HEG1: variants seen among roughly 807,000 people sequenced by gnomAD.
HEG1 encodes the protein protein HEG homolog 1.
HEG1 carries 56 observed loss-of-function variants against 125.6 expected under a neutral mutation model. That is an observed-to-expected ratio of 0.45 (90% confidence interval 0.36 to 0.56). The LOEUF (loss-of-function observed/expected upper bound fraction) is 0.56. Ranked by LOEUF, HEG1 falls within the 20% of genes least tolerant of loss-of-function variation. The pLI is 0.00. For synonymous variants in HEG1, 644 were observed against 668.5 expected (o/e 0.96, Z 0.57); for missense variants, 1,523 against 1,670.0 (o/e 0.91, Z 1.53).
chr3:125,017,302 G>A lies in HEG1; in HGVS notation c.1588+1960C>T, dbSNP rs146633333. Among the ~76,000 whole-genome samples the A allele has an allele frequency of 8.5e-5, 13 of 152,248 alleles. No individual in the cohort carries two copies. The East Asian group carries it at 9.6e-4, about 11-fold the overall frequency. ...ACTCCTGACCTCAAGTGATTCACCCGCCTTGACCTCCCAAAGTGCTGGGAT... is the reference window on the plus strand; with the variant it reads ...ACTCCTGACCTCAAGTGATTCACCCACCTTGACCTCCCAAAGTGCTGGGAT... On this transcript the variant is annotated intron_variant, in intron 5 of 16. Coordinates refer to ENST00000311127, the MANE Select transcript of HEG1 (RefSeq NM_020733.2).
intron 1 of HEG1, among the ~76,000 whole-genome samples, chr3:125,046,722 TC>T (rs1435151304): frequency 4.6e-5 from 7 of 152,320 alleles, no homozygotes; most frequent in Non-Finnish European, 8.8e-5. Context: ...TAGATAGAGA[TC>T]CGCAACCCCA....
intron 8 of HEG1, among the ~76,000 whole-genome samples, chr3:125,006,996 G>A (rs1470642232): frequency 1.3e-5 from 2 of 151,774 alleles, no homozygotes; most frequent in African/African-American, 4.8e-5. Flanking sequence ...TCAGGAGATC[G>A]AGACCATCCC....
intron 12 of HEG1, among the ~76,000 whole-genome samples, chr3:124,992,080 G>C (rs1358818796): frequency 6.6e-6 from 1 of 152,144 alleles, no homozygotes; most frequent in South Asian, 2.1e-4. Flanking sequence ...CCATGAGAAG[G>C]GGGGGAGCTG....
At chr3:124,993,547 G>A (rs897890003) in intron 12 of HEG1, among the ~76,000 whole-genome samples, 1 of 152,176 alleles carries the variant, frequency 6.6e-6, no homozygotes, top group African/African-American at 2.4e-5. Flanking sequence ...ACGTGGGAGT[G>A]GGGGAAGCTA....
chr3:125,026,450 T>A (rs1274091516), intron 3 of HEG1, among the ~76,000 whole-genome samples: 1 of 152,060 alleles, frequency 6.6e-6, no homozygotes, highest in Admixed American at 6.5e-5. Context: ...GAGACTTAAG[T>A]GATGAATAGT....
At chr3:125,052,146 C>G (rs1214705458) in intron 1 of HEG1, among the ~76,000 whole-genome samples, 47 of 151,344 alleles carry the variant, frequency 3.1e-4, no homozygotes, top group Non-Finnish European at 6.5e-4. Context: ...GCCTCCCCCC[C>G]TTCTATTTGG....
Position 124,970,585 on chromosome 3 carries a change from G to C in HEG1, c.*67C>G, listed in dbSNP as rs1305040773. 1 of 1,431,780 alleles carries C rather than the reference G, an allele frequency of 7.0e-7. No homozygotes were observed. The highest frequency in any genetic ancestry group is 1.3e-5 in the South Asian group (1 of 78,186). 88.7% of individuals were successfully genotyped at this position (1,431,780 alleles called of 1,614,324 possible). On this transcript the variant is annotated 3_prime_UTR_variant, in exon 17 of 17. Coordinates refer to ENST00000311127, the MANE Select transcript of HEG1 (RefSeq NM_020733.2). ...GACAAATCCTGGGCGCAGCCTCCTG[G>C]TGCGGTCCTCTGAGCAGAGGTCCCA...
chr3:125,029,454 A>C lies in HEG1; in HGVS notation c.351T>G (p.Thr117=), dbSNP rs756887453. The stretch of plus-strand genomic sequence containing the variant: ...AGGTGATGTTTTCTACATGGGCCTC[A>C]GTGTTACTTTCTGGCCAATGTTTCC... ...AAWKHWPESN[T]EAHVENITFY... The change falls in exon 2 of 17, where the codon ACT becomes ACG. Residue 117 remains threonine (T), a synonymous_variant. Coordinates refer to ENST00000311127, the MANE Select transcript of HEG1 (RefSeq NM_020733.2). 3.8e-6 allele frequency: 6 copies of C among 1,599,822 alleles called. No homozygotes were observed. The highest frequency in any genetic ancestry group is 5.1e-6 in the Non-Finnish European group (6 of 1,178,086).
chr3:124,982,537 C>T (rs1431156633), intron 14 of HEG1, among the ~76,000 whole-genome samples: 6 of 152,216 alleles, frequency 3.9e-5, no homozygotes, highest in Non-Finnish European at 8.8e-5. Flanking sequence ...GTTGACATTT[C>T]AGTCTTTCTC....
At chr3:125,015,525 G>A (rs1461731736) in intron 5 of HEG1, among the ~76,000 whole-genome samples, 2 of 152,224 alleles carry the variant, frequency 1.3e-5, no homozygotes, top group African/African-American at 2.4e-5. Flanking sequence ...GGTGGGGGGT[G>A]AAAGGTGGGC....
At chr3:125,004,543 G>A (rs1349111723) in intron 9 of HEG1, among the ~76,000 whole-genome samples, 1 of 152,018 alleles carries the variant, frequency 6.6e-6, no homozygotes, top group Non-Finnish European at 1.5e-5. Flanking sequence ...AGGCTGGAGT[G>A]CAGTTGTTCG....
chr3:124,984,604 C>A (rs139315037), intron 14 of HEG1, among the ~76,000 whole-genome samples: 1 of 152,000 alleles, frequency 6.6e-6, no homozygotes, highest in East Asian at 1.9e-4. Flanking sequence ...ACTAAAAATA[C>A]AAAAAGTTAC....
intron 5 of HEG1, among the ~76,000 whole-genome samples, chr3:125,016,674 C>T (rs968800313): frequency 5.3e-5 from 8 of 152,160 alleles, no homozygotes; most frequent in African/African-American, 1.4e-4. Context: ...TTCCACATCA[C>T]GTGAGTACTA....
At chr3:125,050,016 G>A (rs1937767824) in intron 1 of HEG1, among the ~76,000 whole-genome samples, 2 of 152,048 alleles carry the variant, frequency 1.3e-5, no homozygotes, top group Non-Finnish European at 2.9e-5. Flanking sequence ...TAGTTGATTT[G>A]GGAGCCTAAC....
At chr3:125,005,163 G>A in intron 9 of HEG1, 102 bp downstream of exon 9, 1 of 672,910 alleles carries the variant, frequency 1.5e-6, no homozygotes, top group Non-Finnish European at 2.6e-6. Flanking sequence ...CAAAAGTGAA[G>A]AGCCCAGGAG....
chr3:124,965,993 C>CA lies in HEG1; in HGVS notation c.*4658dup, dbSNP rs1393259106. ...CCAGCTAAATGCTTCATTTAACCGT[C>CA]AATCCACCAACACAAACATTAACAA... On this transcript the variant is annotated 3_prime_UTR_variant, in exon 17 of 17. Transcript: ENST00000311127. The CA allele has an allele frequency of 2.0e-5, 3 of 152,194 alleles. No individual in the cohort carries two copies. Among genetic ancestry groups the CA allele is most frequent in the Non-Finnish European group, 4.4e-5 (3 of 68,028 alleles). The allele number at this position is 152,194 out of a possible 1,614,324, so 9.4% of individuals were successfully genotyped here. A position where few individuals can be genotyped will look rare whatever the true frequency, so the allele number is the denominator to read the frequency against.
chr3:125,018,531 T>C (rs1468793742), intron 5 of HEG1, among the ~76,000 whole-genome samples: 1 of 152,208 alleles, frequency 6.6e-6, no homozygotes, highest in African/African-American at 2.4e-5. Flanking sequence ...ATATGAAATA[T>C]ACCTCAATAA....
In HEG1 at chr3:125,014,133, G is replaced by T. The variant is rs137899253; in HGVS notation, c.1589-143C>A. On this transcript the variant is annotated intron_variant, in intron 5 of 16. Transcript: ENST00000311127. The stretch of plus-strand genomic sequence containing the variant: ...TTGCTTTGGAGAGGTGGTTTTCAAG[G>T]GTGAGCACTCTGAATAAAGACATTG... The T allele has an allele frequency of 8.8e-4, 654 of 741,820 alleles. 2 individuals are homozygous for T. In the African/African-American group the frequency reaches 0.01, roughly 12 times the overall value. The allele number at this position is 741,820 out of a possible 1,614,324, so 46.0% of individuals were successfully genotyped here.
At chr3:125,002,125 G>A in intron 10 of HEG1, 113 bp from the exon 11 acceptor site, 2 of 1,514,138 alleles carry the variant, frequency 1.3e-6, no homozygotes, top group South Asian at 1.2e-5. Flanking sequence ...AGAGCATGAA[G>A]GTCAGTGACC....
Sources: gnomAD v4.1 joint callset for allele counts (sites outside exome capture counted in the v4.1 genomes callset) on GRCh38, gnomAD v4.1.1 for gene constraint, MANE v1.5 for transcripts, NCBI Gene and HGNC (gene_info 2026-07-23, HGNC 2026-07-21) for gene names.